The following NRG3 variants were observed in gnomAD, a reference collection of about 807,000 sequenced individuals.
The protein encoded by NRG3 is neuregulin 3.
NRG3 carries 31 observed loss-of-function variants against 66.9 expected under a neutral mutation model. That is an observed-to-expected ratio of 0.46 (90% CI 0.35 to 0.63). The LOEUF (loss-of-function observed/expected upper bound fraction) is 0.63, where lower values mean the gene tolerates loss of function less well. Among genes scored for constraint, NRG3 ranks in the 20% least tolerant of loss-of-function variants. The pLI is 0.00. For synonymous variants in NRG3, 393 were observed against 359.4 expected (o/e 1.09, Z -1.06); for missense variants, 910 against 878.9 (o/e 1.04, Z -0.45).
At chr10:81,878,130 C>T in intron 1 of NRG3, 2 of 1,468,134 alleles carry the variant, frequency 1.4e-6, no homozygotes, top group Non-Finnish European at 1.8e-6. Flanking sequence ...TCTCTTCCTA[C>T]ATTCCGTGGA....
At chr10:82,512,894 G>A (rs930535302) in intron 2 of NRG3, among the ~76,000 whole-genome samples, 1 of 151,934 alleles carries the variant, frequency 6.6e-6, no homozygotes, top group Non-Finnish European at 1.5e-5. Flanking sequence ...ACCAATAATT[G>A]TATTTCTTCA....
At position 82,896,889 on chromosome 10, in the gene NRG3, T is replaced by C. The variant is rs542067514; in HGVS notation, c.1054+31452T>C. 8.5e-5 allele frequency among the ~76,000 whole-genome samples: 13 copies of C among 152,318 alleles called. No individual in the cohort carries two copies. The East Asian group carries it at 2.3e-3, about 27-fold the overall frequency. ...AAAGAAACTTAGAGTCTTTATTGTT[T>C]TCATCACTAAACCCCATACTCATGA... is the stretch of plus-strand genomic sequence containing the variant. On this transcript the variant is annotated intron_variant, in intron 4 of 8. Transcript: ENST00000372141.
At chr10:82,049,900 A>G (rs1197954086) in intron 1 of NRG3, among the ~76,000 whole-genome samples, 10 of 152,174 alleles carry the variant, frequency 6.6e-5, no homozygotes, top group Admixed American at 6.6e-5. Flanking sequence ...GCCCCTAGGA[A>G]TCTAAGAATT....
chr10:82,059,160 A>T (rs966890228), intron 1 of NRG3, among the ~76,000 whole-genome samples: 1 of 152,212 alleles, frequency 6.6e-6, no homozygotes, highest in Non-Finnish European at 1.5e-5. Flanking sequence ...ATTGAGAGCA[A>T]TGAGATGCAT....
intron 1 of NRG3, among the ~76,000 whole-genome samples, chr10:82,108,490 C>T (rs1236324190): frequency 2.0e-5 from 3 of 152,180 alleles, no homozygotes; most frequent in African/African-American, 7.2e-5. Flanking sequence ...TGTCTCTCTG[C>T]TACCCTTCAC....
Position 82,959,000 on chromosome 10 carries a change from A to C in NRG3, c.1209A>C (p.Lys403Asn). ...QEQLKVPQNG[K>N]SYSLKASSTM... The stretch of plus-strand genomic sequence containing the variant: ...AGCTGAAAGTGCCACAAAATGGTAA[A>C]AGCTACAGTCTCAAAGCATCCAGCA... The change falls in exon 6 of 9, where the codon AAA (lysine) becomes AAC (asparagine). Residue 403 changes from lysine (K) to asparagine (N), a missense_variant. Lys to Asn is a moderately conservative substitution (Grantham distance 94). Coordinates refer to ENST00000372141, the MANE Select transcript of NRG3 (RefSeq NM_001010848.4). 1 of 1,607,994 alleles carries C rather than the reference A, an allele frequency of 6.2e-7. No individual in the cohort carries two copies. The highest frequency in any genetic ancestry group is 1.1e-5 in the South Asian group (1 of 89,650).
chr10:82,498,230 A>G (rs1843804828), intron 2 of NRG3, among the ~76,000 whole-genome samples: 1 of 152,106 alleles, frequency 6.6e-6, no homozygotes, highest in Non-Finnish European at 1.5e-5. Flanking sequence ...GTGAAAAAAA[A>G]TCCATCATTA....
At chr10:82,221,167 G>A (rs763016688) in intron 1 of NRG3, among the ~76,000 whole-genome samples, 6 of 151,886 alleles carry the variant, frequency 4.0e-5, no homozygotes, top group South Asian at 4.2e-4. Context: ...TTTTGATTGT[G>A]GAGTAGGCTT....
At chr10:81,997,299 G>A (rs755824261) in intron 1 of NRG3, among the ~76,000 whole-genome samples, 1 of 152,200 alleles carries the variant, frequency 6.6e-6, no homozygotes, top group African/African-American at 2.4e-5. Flanking sequence ...GCCATTCTGA[G>A]TTATGACTGT....
intron 3 of NRG3, among the ~76,000 whole-genome samples, chr10:82,743,179 G>C (rs893901255): frequency 2.6e-5 from 4 of 152,116 alleles, no homozygotes; most frequent in Admixed American, 2.0e-4. Context: ...TGAGTCTGCA[G>C]GCTCAAGCTC....
chr10:82,817,642 G>A (rs557354450), intron 3 of NRG3, among the ~76,000 whole-genome samples: 1 of 152,278 alleles, frequency 6.6e-6, no homozygotes, highest in African/African-American at 2.4e-5. Context: ...GAATAAAGAT[G>A]GACTAAATGG....
At chr10:82,175,869 A>G (rs1470418695) in intron 1 of NRG3, among the ~76,000 whole-genome samples, 4 of 152,190 alleles carry the variant, frequency 2.6e-5, no homozygotes, top group Non-Finnish European at 5.9e-5. Context: ...GTTGATATAT[A>G]TCATTTCATT....
intron 6 of NRG3, among the ~76,000 whole-genome samples, chr10:82,969,781 A>C (rs913866335): frequency 6.6e-6 from 1 of 152,232 alleles, no homozygotes; most frequent in Non-Finnish European, 1.5e-5. Flanking sequence ...AATTTCTTTT[A>C]ACTTAAAAAT....
intron 3 of NRG3, among the ~76,000 whole-genome samples, chr10:82,744,748 A>G (rs1224951870): frequency 1.3e-5 from 2 of 152,220 alleles, no homozygotes; most frequent in African/African-American, 4.8e-5. Context: ...GACAAGTTGC[A>G]TAACATTAAT....
chr10:82,019,547 G>A (rs184942724), intron 1 of NRG3, among the ~76,000 whole-genome samples: 5,524 of 152,174 alleles, frequency 0.036, 343 homozygotes, highest in African/African-American at 0.13. Flanking sequence ...GTAGAATTCG[G>A]CTGTGAATCC....
intron 2 of NRG3, among the ~76,000 whole-genome samples, chr10:82,725,280 A>G (rs2057534470): frequency 1.3e-5 from 2 of 152,332 alleles, no homozygotes; most frequent in South Asian, 4.1e-4. Flanking sequence ...CTGGCGATTC[A>G]CCAAATCAAG....
chr10:82,778,926 C>T (rs962849347), intron 3 of NRG3, among the ~76,000 whole-genome samples: 3 of 152,150 alleles, frequency 2.0e-5, no homozygotes, highest in Non-Finnish European at 2.9e-5. Flanking sequence ...CTCTCCTAGG[C>T]AATGTTTCCC....
At chr10:82,174,049 A>C (rs1293735124) in intron 1 of NRG3, among the ~76,000 whole-genome samples, 1 of 152,126 alleles carries the variant, frequency 6.6e-6, no homozygotes. Context: ...TGGCTACCGG[A>C]AATTACCTGG....
At chr10:82,131,858 G>A (rs992445552) in intron 1 of NRG3, among the ~76,000 whole-genome samples, 8 of 152,126 alleles carry the variant, frequency 5.3e-5, no homozygotes, top group East Asian at 1.9e-4. Flanking sequence ...ATATAGAAAT[G>A]CTATTGATGT....
Sources: allele counts gnomAD v4.1 joint callset (sites outside exome capture counted in the v4.1 genomes callset), GRCh38; gene constraint gnomAD v4.1.1; transcripts MANE v1.5; gene names NCBI Gene and HGNC (gene_info 2026-07-23, HGNC 2026-07-21).